Variants in WWOX observed in about 807,000 individuals in gnomAD.
The protein encoded by WWOX is WW domain-containing oxidoreductase.
Under a neutral mutation model 46.2 loss-of-function variants are expected in WWOX, and 69 were observed. The observed-to-expected ratio is 1.49, with a 90% CI of 1.23 to 1.82. WWOX has a LOEUF of 1.82. WWOX is among the 40% of genes most tolerant of loss of function. The probability of loss-of-function intolerance (pLI) is 0.00; values close to 1 mark genes in which losing one functional copy is unlikely to be tolerated. For missense variants in WWOX, 919 were observed against 542.6 expected, an observed-to-expected ratio of 1.69 and a Z score of -6.89; for synonymous variants, 359 against 202.6, an observed-to-expected ratio of 1.77 and a Z score of -6.56.
chr16:78,123,643 A>T (rs2033230684), intron 4 of WWOX: 1 of 150,964 alleles, frequency 6.6e-6, no homozygotes, highest in Non-Finnish European at 1.5e-5. Flanking sequence ...TTTTTAGTAG[A>T]GATGGGGTTT....
intron 8 of WWOX, among the ~76,000 whole-genome samples, chr16:78,776,029 A>G (rs1175863100): frequency 2.0e-5 from 3 of 152,208 alleles, no homozygotes; most frequent in East Asian, 1.9e-4. Flanking sequence ...TATGTGTTCC[A>G]AAGATGGTCT....
rs370505606 is a variant in WWOX, at chr16:78,683,999, T to C, written c.1056+251247T>C. Reference sequence around the variant, plus strand: ...CCTCCTGCACAACTGTGGCGTTCTCTTTTTCTGACTAGCTGATTCTGCTGC... The same window carrying C: ...CCTCCTGCACAACTGTGGCGTTCTCCTTTTCTGACTAGCTGATTCTGCTGC... On this transcript the variant is annotated intron_variant, in intron 8 of 8. Coordinates refer to ENST00000566780, the MANE Select transcript of WWOX (RefSeq NM_016373.4). Among the ~76,000 whole-genome samples the C allele has an allele frequency of 3.3e-4, 51 of 152,320 alleles. 1 individual carries two copies. The highest frequency in any genetic ancestry group is 1.2e-3 in the African/African-American group (49 of 41,576).
chr16:78,207,696 G>C (rs1165876734), intron 5 of WWOX, among the ~76,000 whole-genome samples: 1 of 150,254 alleles, frequency 6.7e-6, no homozygotes. Flanking sequence ...GGGATGATGA[G>C]GCTGCAGTGG....
chr16:79,099,443 A>G (rs543201181), intron 8 of WWOX, among the ~76,000 whole-genome samples: 65 of 152,194 alleles, frequency 4.3e-4, no homozygotes, highest in African/African-American at 1.5e-3. Flanking sequence ...CAGCGCGCAC[A>G]CTCTGTTAAC....
chr16:78,162,217 C>G (rs983340356), intron 4 of WWOX, among the ~76,000 whole-genome samples: 3 of 152,158 alleles, frequency 2.0e-5, no homozygotes, highest in African/African-American at 7.2e-5. Context: ...AATATTTTCA[C>G]TAGGTATAGA....
Position 79,046,032 on chromosome 16 carries a change from C to T in WWOX, c.1057-165576C>T, listed in dbSNP as rs558295091. 5.9e-5 allele frequency among the ~76,000 whole-genome samples: 9 copies of T among 152,100 alleles called. No individual in the cohort carries two copies. In the East Asian group the frequency reaches 1.7e-3, roughly 29 times the overall value. ...GGCCAGGCTGGCCTCGAGCTCCTGA[C>T]CTCAGATGATCTGTCTGCCTTGCCC... On this transcript the variant is annotated intron_variant, in intron 8 of 8. Transcript: ENST00000566780.
chr16:78,724,516 C>G (rs745444240), intron 8 of WWOX, among the ~76,000 whole-genome samples: 1 of 152,054 alleles, frequency 6.6e-6, no homozygotes, highest in Non-Finnish European at 1.5e-5. Context: ...TATTATAGTT[C>G]TTTATCGACA....
intron 8 of WWOX, among the ~76,000 whole-genome samples, chr16:78,574,363 T>A (rs1017346059): frequency 3.9e-5 from 6 of 152,170 alleles, no homozygotes; most frequent in Non-Finnish European, 7.3e-5. Flanking sequence ...GAATACCAGG[T>A]GGTAGGGATT....
intron 1 of WWOX, among the ~76,000 whole-genome samples, chr16:78,101,235 G>C (rs1391761011): frequency 6.7e-6 from 1 of 149,832 alleles, no homozygotes; most frequent in Non-Finnish European, 1.5e-5. Flanking sequence ...TTTTAGTAGA[G>C]ACGGGGTTTC....
At chr16:78,112,599 T>A (rs1446691106) in intron 3 of WWOX, among the ~76,000 whole-genome samples, 1 of 152,054 alleles carries the variant, frequency 6.6e-6, no homozygotes, top group African/African-American at 2.4e-5. Context: ...GCTTTTTGCC[T>A]AACTTGTGAA....
chr16:78,620,372 G>A (rs1280785282), intron 8 of WWOX, among the ~76,000 whole-genome samples: 1 of 152,182 alleles, frequency 6.6e-6, no homozygotes, highest in East Asian at 1.9e-4. Flanking sequence ...GGTTTGACAA[G>A]TTTCCTCCAA....
intron 8 of WWOX, among the ~76,000 whole-genome samples, chr16:78,849,096 G>C (rs1029357219): frequency 6.6e-6 from 1 of 152,096 alleles, no homozygotes; most frequent in African/African-American, 2.4e-5. Context: ...GGTCTACTTG[G>C]TGTCCCACGG....
chr16:78,714,797 A>G (rs1488868174), intron 8 of WWOX, among the ~76,000 whole-genome samples: 1 of 152,206 alleles, frequency 6.6e-6, no homozygotes, highest in Non-Finnish European at 1.5e-5. Flanking sequence ...AGAGCCTTGT[A>G]AACCAAGGTG....
At chr16:78,815,379 C>A (rs184076803) in intron 8 of WWOX, among the ~76,000 whole-genome samples, 3 of 152,012 alleles carry the variant, frequency 2.0e-5, no homozygotes, top group African/African-American at 7.3e-5. Context: ...AGGGCAGGAG[C>A]TGTTCCTGCT....
intron 8 of WWOX, among the ~76,000 whole-genome samples, chr16:78,922,126 T>C (rs2045393120): frequency 6.6e-6 from 1 of 152,146 alleles, no homozygotes; most frequent in African/African-American, 2.4e-5. Flanking sequence ...TGGGTCTTCG[T>C]TGCGTAGGTG....
intron 8 of WWOX, among the ~76,000 whole-genome samples, chr16:78,547,510 C>A (rs1335745456): frequency 6.6e-6 from 1 of 152,194 alleles, no homozygotes. Context: ...AGTGATTCTA[C>A]TTCTCATTCA....
chr16:78,607,900 CAT>C (rs1473775697), intron 8 of WWOX, among the ~76,000 whole-genome samples: 1 of 152,118 alleles, frequency 6.6e-6, no homozygotes, highest in Non-Finnish European at 1.5e-5. Context: ...GACCTGCACA[CAT>C]GTTTGAGACC....
At chr16:78,255,371 G>C (rs1567460304) in intron 5 of WWOX, among the ~76,000 whole-genome samples, 1 of 152,202 alleles carries the variant, frequency 6.6e-6, no homozygotes, top group African/African-American at 2.4e-5. Flanking sequence ...AAACTTGGAA[G>C]ACACTAAGAA....
At chr16:78,166,889 T>G (rs2151738188) in intron 5 of WWOX, 1 of 152,412 alleles carries the variant, frequency 6.6e-6, no homozygotes, top group South Asian at 2.1e-4. Context: ...TTGCTCCAAT[T>G]TCCATTCCCA....
Sources: allele counts gnomAD v4.1 joint callset (sites outside exome capture counted in the v4.1 genomes callset), GRCh38; gene constraint gnomAD v4.1.1; transcripts MANE v1.5; gene names NCBI Gene and HGNC (gene_info 2026-07-23, HGNC 2026-07-21).